The following CTNNA2 variants were observed in gnomAD, a reference collection of about 807,000 sequenced individuals.
The protein encoded by CTNNA2 is catenin alpha 2.
In CTNNA2, 42 loss-of-function variants were observed where a neutral mutation model predicts 101.0. The ratio of observed to expected loss-of-function variants is 0.42; its 90% CI spans 0.32 to 0.54. The LOEUF (loss-of-function observed/expected upper bound fraction) is 0.54, where lower values mean the gene tolerates loss of function less well. CTNNA2 is among the 20% of genes least tolerant of loss of function. The pLI, the probability that CTNNA2 is intolerant of heterozygous loss-of-function variation, is 0.14. For synonymous variants in CTNNA2, 450 were observed against 456.4 expected (o/e 0.99, Z 0.18); for missense variants, 871 against 1,223.1 (o/e 0.71, Z 4.29).
At chr2:79,296,933 A>G (rs1238632120) in intron 2 of CTNNA2, among the ~76,000 whole-genome samples, 1 of 152,114 alleles carries the variant, frequency 6.6e-6, no homozygotes, top group Non-Finnish European at 1.5e-5. Context: ...TTCAAGCCTC[A>G]TAAGAAAGGT....
At chr2:80,361,818 T>C (rs1674436782) in intron 7 of CTNNA2, among the ~76,000 whole-genome samples, 1 of 152,144 alleles carries the variant, frequency 6.6e-6, no homozygotes, top group African/African-American at 2.4e-5. Flanking sequence ...GAAAATGGTT[T>C]CATTGTTGTA....
At chr2:80,612,124 T>C (rs1052078791) in intron 17 of CTNNA2, among the ~76,000 whole-genome samples, 2 of 151,550 alleles carry the variant, frequency 1.3e-5, no homozygotes, top group African/African-American at 4.8e-5. Context: ...TAAATATCTC[T>C]TTTCCAAATC....
At position 79,997,925 on chromosome 2, in the gene CTNNA2, C is replaced by T. The variant is rs188265630; in HGVS notation, c.1056+88128C>T. 4.7e-3 allele frequency among the ~76,000 whole-genome samples: 723 copies of T among 152,258 alleles called. 1 individual carries two copies. The highest frequency in any genetic ancestry group is 0.014 in the Middle Eastern group (4 of 294). On this transcript the variant is annotated intron_variant, in intron 7 of 18. Coordinates refer to ENST00000402739, the MANE Select transcript of CTNNA2 (RefSeq NM_001282597.3). ...AGAGAACTGAGCCAAAGAGATAGTG[C>T]TTTCCTGCTTAGAAAGAGAAGGCTG... is the stretch of plus-strand genomic sequence containing the variant.
chr2:79,525,708 T>C (rs1417912781), intron 1 of CTNNA2, among the ~76,000 whole-genome samples: 2 of 152,016 alleles, frequency 1.3e-5, no homozygotes, highest in African/African-American at 4.8e-5. Flanking sequence ...ATTGACTGTG[T>C]ATGTGAAATT....
chr2:79,258,845 CAAAAAAAAAAAAA>C (rs869066159), intron 2 of CTNNA2, among the ~76,000 whole-genome samples: 18 of 91,372 alleles, frequency 2.0e-4, no homozygotes, highest in African/African-American at 6.0e-4. Flanking sequence ...AATCCTCTAC[CAAAAAAAAAAAAA>C]AAAAAAAAAA....
intron 7 of CTNNA2, among the ~76,000 whole-genome samples, chr2:80,361,688 T>C (rs1674420183): frequency 6.6e-6 from 1 of 152,152 alleles, no homozygotes. Flanking sequence ...GGATGGATTC[T>C]GGAGGCCAGG....
chr2:80,151,399 A>G (rs1703688268), intron 7 of CTNNA2, among the ~76,000 whole-genome samples: 1 of 152,188 alleles, frequency 6.6e-6, no homozygotes, highest in Non-Finnish European at 1.5e-5. Context: ...TTCTAACACT[A>G]ATGACAAGCT....
At chr2:80,556,004 A>G (rs575636878) in intron 12 of CTNNA2, 111 bp downstream of exon 12, 13 of 694,426 alleles carry the variant, frequency 1.9e-5, no homozygotes, top group Non-Finnish European at 2.9e-5. Flanking sequence ...TAAATTGCAC[A>G]TAATTGTGGA....
At chr2:80,015,470 G>C (rs72922676) in intron 7 of CTNNA2, among the ~76,000 whole-genome samples, 1 of 152,160 alleles carries the variant, frequency 6.6e-6, no homozygotes, top group African/African-American at 2.4e-5. Flanking sequence ...CTCTCTGATG[G>C]GGTACTTACT....
chr2:80,333,673 C>G (rs1471970261), intron 7 of CTNNA2, among the ~76,000 whole-genome samples: 1 of 151,980 alleles, frequency 6.6e-6, no homozygotes, highest in Non-Finnish European at 1.5e-5. Context: ...TTGCTGTGTC[C>G]CACAGGCAGT....
intron 7 of CTNNA2, among the ~76,000 whole-genome samples, chr2:80,231,273 C>G (rs1056479906): frequency 6.6e-6 from 1 of 152,042 alleles, no homozygotes; most frequent in Non-Finnish European, 1.5e-5. Flanking sequence ...AGGTGTGAGC[C>G]ACCACACCCG....
intron 6 of CTNNA2, among the ~76,000 whole-genome samples, chr2:79,891,748 AC>A (rs1684321509): frequency 6.6e-6 from 1 of 152,186 alleles, no homozygotes; most frequent in Non-Finnish European, 1.5e-5. Context: ...ATATTACAAT[AC>A]CTTAGAAATT....
intron 3 of CTNNA2, among the ~76,000 whole-genome samples, chr2:79,748,717 A>G (rs953524311): frequency 2.6e-5 from 4 of 151,918 alleles, no homozygotes; most frequent in African/African-American, 7.2e-5. Flanking sequence ...AAACAGTGTT[A>G]TTTGAATTTC....
At chr2:79,204,639 A>C (rs888651210) in intron 2 of CTNNA2, among the ~76,000 whole-genome samples, 3 of 152,196 alleles carry the variant, frequency 2.0e-5, no homozygotes, top group African/African-American at 4.8e-5. Flanking sequence ...GAGACTAGGT[A>C]ATTTATTTTT....
intron 7 of CTNNA2, among the ~76,000 whole-genome samples, chr2:80,300,388 C>A (rs539494228): frequency 2.7e-4 from 41 of 151,340 alleles, no homozygotes; most frequent in African/African-American, 9.9e-4. Context: ...AAATATTTCT[C>A]TTGAAAGAGA....
chr2:80,042,676 A>G (rs1173582117), intron 7 of CTNNA2, among the ~76,000 whole-genome samples: 2 of 152,230 alleles, frequency 1.3e-5, no homozygotes, highest in Non-Finnish European at 2.9e-5. Flanking sequence ...GTGTGAGAAG[A>G]GCAACAATAC....
intron 7 of CTNNA2, among the ~76,000 whole-genome samples, chr2:79,943,319 G>A (rs934832426): frequency 2.0e-5 from 3 of 152,032 alleles, no homozygotes; most frequent in African/African-American, 4.8e-5. Context: ...CCAGAAGAGG[G>A]GAATCGGTTA....
At chr2:79,328,867 C>G (rs1308677048) in intron 3 of CTNNA2, among the ~76,000 whole-genome samples, 1 of 152,162 alleles carries the variant, frequency 6.6e-6, no homozygotes, top group East Asian at 1.9e-4. Flanking sequence ...TCCAGAGGCT[C>G]AAGGGATGTT....
chr2:79,256,583 G>GCA (rs1290204784), intron 2 of CTNNA2, among the ~76,000 whole-genome samples: 1 of 152,182 alleles, frequency 6.6e-6, no homozygotes, highest in Non-Finnish European at 1.5e-5. Context: ...TGTTTTGAAT[G>GCA]CACACGTTAT....
Sources: gnomAD v4.1 joint callset for allele counts (sites outside exome capture counted in the v4.1 genomes callset) on GRCh38, gnomAD v4.1.1 for gene constraint, MANE v1.5 for transcripts, NCBI Gene and HGNC (gene_info 2026-07-23, HGNC 2026-07-21) for gene names.